USP25: variants seen among roughly 807,000 people sequenced by gnomAD.
USP25 encodes ubiquitin specific peptidase 25, also known as ubiquitin carboxyl-terminal hydrolase 25.
In USP25, 85 loss-of-function variants were observed where a neutral mutation model predicts 158.5. That is an observed-to-expected ratio of 0.54 (90% confidence interval 0.45 to 0.64). The LOEUF (loss-of-function observed/expected upper bound fraction) is 0.64. Ranked by LOEUF, USP25 falls within the 30% of genes least tolerant of loss-of-function variation. The pLI, the probability that USP25 is intolerant of heterozygous loss-of-function variation, is 0.00. For synonymous variants in USP25, 464 were observed against 460.4 expected (o/e 1.01, Z -0.10); for missense variants, 1,242 against 1,327.3 (o/e 0.94, Z 1.00).
intron 1 of USP25, among the ~76,000 whole-genome samples, chr21:15,750,855 C>G (rs918632003): frequency 9.0e-6 from 1 of 110,770 alleles, no homozygotes; most frequent in Admixed American, 8.2e-5. Flanking sequence ...ATCCGTCTGC[C>G]TCCGCCTCCG....
chr21:15,818,484 A>AT (rs2037063318), intron 9 of USP25, among the ~76,000 whole-genome samples: 2 of 152,144 alleles, frequency 1.3e-5, no homozygotes, highest in South Asian at 4.2e-4. Flanking sequence ...TGTGTATATA[A>AT]TTACATATAT....
chr21:15,779,870 T>C (rs1316804987), intron 4 of USP25, among the ~76,000 whole-genome samples: 1 of 152,076 alleles, frequency 6.6e-6, no homozygotes, highest in Non-Finnish European at 1.5e-5. Context: ...GTCATATTAA[T>C]TATGTGTAAA....
At chr21:15,850,103 C>T (rs984404157) in intron 20 of USP25, among the ~76,000 whole-genome samples, 1 of 151,914 alleles carries the variant, frequency 6.6e-6, no homozygotes, top group Non-Finnish European at 1.5e-5. Context: ...TTGAGTCACT[C>T]TAATAGTGTG....
Position 15,827,179 on chromosome 21 carries a change from A to T in USP25, c.1669A>T (p.Thr557Ser). Reference sequence around the variant, plus strand: ...GGAAAGTTGTTTACATCGCTGGAGGACAGAAATAGAAAATGACACCAGAGG... The same window carrying T: ...GGAAAGTTGTTTACATCGCTGGAGGTCAGAAATAGAAAATGACACCAGAGG... ...VLESCLHRWR[T>S]EIENDTRDLQ... Residue 557 changes from threonine (T) to serine (S), a missense_variant, in exon 14 of 26, where the codon ACA becomes TCA. Coordinates refer to ENST00000400183, the MANE Select transcript of USP25 (RefSeq NM_001283041.3). 6.2e-7 allele frequency: 1 copy of T among 1,614,172 alleles called. No individual in the cohort carries two copies. Among genetic ancestry groups the T allele is most frequent in the Non-Finnish European group, 8.5e-7 (1 of 1,180,002 alleles).
chr21:15,840,652 C>G (rs1307251132), intron 17 of USP25, among the ~76,000 whole-genome samples: 1 of 152,162 alleles, frequency 6.6e-6, no homozygotes, highest in Non-Finnish European at 1.5e-5. Context: ...TGTACTCAAA[C>G]TCCTTTATGG....
intron 6 of USP25, among the ~76,000 whole-genome samples, chr21:15,804,199 C>T (rs2036265469): frequency 6.6e-6 from 1 of 151,576 alleles, no homozygotes; most frequent in African/African-American, 2.4e-5. Context: ...GGAGATTTTG[C>T]TTTAATGAGC....
intron 12 of USP25, among the ~76,000 whole-genome samples, chr21:15,825,522 G>C (rs1415620852): frequency 6.6e-6 from 1 of 152,146 alleles, no homozygotes; most frequent in East Asian, 1.9e-4. Context: ...TGTGTGTACA[G>C]GGAATGAATG....
At chr21:15,862,485 A>G (rs1024644020) in intron 20 of USP25, among the ~76,000 whole-genome samples, 12 of 152,066 alleles carry the variant, frequency 7.9e-5, no homozygotes, top group Admixed American at 2.6e-4. Context: ...CATATCAACA[A>G]GAACAGTAAT....
intron 20 of USP25, among the ~76,000 whole-genome samples, chr21:15,860,279 A>C (rs1461747639): frequency 1.3e-5 from 2 of 152,036 alleles, no homozygotes; most frequent in Admixed American, 1.3e-4. Context: ...CAGCCTCCCG[A>C]GTAGCTGGGA....
intron 20 of USP25, 127 bp downstream of exon 20, chr21:15,849,999 C>A (rs543118700): frequency 1.6e-6 from 1 of 634,692 alleles, no homozygotes; most frequent in South Asian, 2.5e-5. Context: ...GTTATGGCCA[C>A]CGGATATCCT....
intron 10 of USP25, among the ~76,000 whole-genome samples, chr21:15,821,798 T>A (rs2037250488): frequency 6.6e-6 from 1 of 151,928 alleles, no homozygotes; most frequent in South Asian, 2.1e-4. Flanking sequence ...TCTCTCCACA[T>A]TTGTGTAATC....
At chr21:15,786,452 A>G (rs1365326817) in intron 4 of USP25, among the ~76,000 whole-genome samples, 2 of 152,162 alleles carry the variant, frequency 1.3e-5, no homozygotes, top group African/African-American at 2.4e-5. Flanking sequence ...GATTCATCCC[A>G]GAGATGGAGG....
chr21:15,832,356 A>T (rs1374368814), intron 16 of USP25, among the ~76,000 whole-genome samples: 1 of 152,208 alleles, frequency 6.6e-6, no homozygotes, highest in African/African-American at 2.4e-5. Flanking sequence ...GCATATAGAA[A>T]ATAATAAAGG....
chr21:15,752,239 A>T (rs1428493333), intron 1 of USP25, among the ~76,000 whole-genome samples: 1 of 135,070 alleles, frequency 7.4e-6, no homozygotes, highest in Non-Finnish European at 1.6e-5. Flanking sequence ...TTTTTTTTTG[A>T]GATGGAGTCG....
rs572157904 is a variant in USP25 at position 15,856,564 on chromosome 21, C to T, written c.2547+6692C>T. Among the ~76,000 whole-genome samples, 8 of 152,194 alleles carry T rather than the reference C, an allele frequency of 5.3e-5. No homozygotes were observed. The East Asian group carries it at 5.8e-4, about 11-fold the overall frequency. ...TCGGCTCACTGCAAGCTCCGCCTCCCGGGTTCACGCCATTCTCCTGCCTCA... is the reference window on the plus strand; with the variant it reads ...TCGGCTCACTGCAAGCTCCGCCTCCTGGGTTCACGCCATTCTCCTGCCTCA... On this transcript the variant is annotated intron_variant, in intron 20 of 25. Transcript: ENST00000400183.
chr21:15,753,947 G>A (rs1039777247), intron 1 of USP25, among the ~76,000 whole-genome samples: 3 of 151,994 alleles, frequency 2.0e-5, no homozygotes, highest in African/African-American at 7.3e-5. Context: ...TTATGAGAGG[G>A]TGGGGGAGGA....
At chr21:15,827,779 T>C (rs913619877) in intron 14 of USP25, among the ~76,000 whole-genome samples, 3 of 150,546 alleles carry the variant, frequency 2.0e-5, no homozygotes, top group Middle Eastern at 3.5e-3. Flanking sequence ...TGTGTGTGTG[T>C]GTGTGTGTGT....
intron 1 of USP25, among the ~76,000 whole-genome samples, chr21:15,737,970 AAT>A (rs1383607417): frequency 1.3e-5 from 2 of 152,134 alleles, no homozygotes; most frequent in Non-Finnish European, 2.9e-5. Context: ...GTTCTCAGAA[AAT>A]ATGGAGTTTT....
At chr21:15,774,190 T>C (rs548562985) in intron 3 of USP25, among the ~76,000 whole-genome samples, 43 of 152,344 alleles carry the variant, frequency 2.8e-4, no homozygotes, top group Non-Finnish European at 5.1e-4. Context: ...CATGTTATGT[T>C]GCATTAAAAT....
Sources: allele counts gnomAD v4.1 joint callset (sites outside exome capture counted in the v4.1 genomes callset), GRCh38; gene constraint gnomAD v4.1.1; transcripts MANE v1.5; gene names NCBI Gene and HGNC (gene_info 2026-07-23, HGNC 2026-07-21).